Variants in SEM1 observed in about 807,000 individuals in gnomAD.
SEM1 encodes 26S proteasome complex subunit SEM1.
Under a neutral mutation model 12.7 loss-of-function variants are expected in SEM1, and 3 were observed. The observed-to-expected ratio is 0.24, with a 90% confidence interval of 0.11 to 0.61. SEM1 has a LOEUF of 0.61. Ranked by LOEUF, SEM1 falls within the 20% of genes least tolerant of loss-of-function variation. The pLI, the probability that SEM1 is intolerant of heterozygous loss-of-function variation, is 0.88. For missense variants in SEM1, 59 were observed against 81.3 expected (o/e 0.73, Z 1.06); for synonymous variants, 30 against 27.8 (o/e 1.08, Z -0.25).
intron 2 of SEM1, among the ~76,000 whole-genome samples, chr7:96,683,384 A>G (rs1789672476): frequency 1.3e-5 from 2 of 152,002 alleles, no homozygotes; most frequent in African/African-American, 4.8e-5. Context: ...TCAGGAAACA[A>G]CAGATGCCAG....
intron 2 of SEM1, among the ~76,000 whole-genome samples, chr7:96,668,166 T>C (rs1789219010): frequency 1.3e-5 from 2 of 152,240 alleles, no homozygotes; most frequent in Non-Finnish European, 2.9e-5. Context: ...TTAATTTTTG[T>C]GCATACATAG....
intron 2 of SEM1, among the ~76,000 whole-genome samples, chr7:96,573,385 G>A (rs1029362620): frequency 6.6e-6 from 1 of 152,140 alleles, no homozygotes; most frequent in Admixed American, 6.6e-5. Context: ...TAGTGGTGAT[G>A]TTTTTGCAGT....
exon 3 of SEM1, chr7:96,673,537 C>T (rs1789376629): frequency 1.9e-6 from 1 of 540,502 alleles, no homozygotes; most frequent in Non-Finnish European, 3.3e-6. Context: ...TCTTACTACC[C>T]AACAATACTG....
At chr7:96,527,212 A>C (rs1443751728) in intron 2 of SEM1, among the ~76,000 whole-genome samples, 1 of 152,160 alleles carries the variant, frequency 6.6e-6, no homozygotes, top group East Asian at 1.9e-4. Context: ...AAAGGGAAAA[A>C]AATCCCTAGC....
chr7:96,486,899 T>G (rs1056578614), intron 1 of SEM1, among the ~76,000 whole-genome samples: 7 of 152,168 alleles, frequency 4.6e-5, no homozygotes, highest in African/African-American at 7.2e-5. Flanking sequence ...TCTGTGCCCC[T>G]GGGAAAGGGA....
chr7:96,704,072 CTA>C (rs1260320941), intron 1 of SEM1, among the ~76,000 whole-genome samples: 2 of 151,386 alleles, frequency 1.3e-5, no homozygotes, highest in South Asian at 2.1e-4. Context: ...GTTAAATAGA[CTA>C]TTTAAGATGA....
At chr7:96,483,813 G>T in exon 4 of SEM1, 1 of 1,535,402 alleles carries the variant, frequency 6.5e-7, no homozygotes, top group Non-Finnish European at 8.7e-7. Flanking sequence ...TTCAATAGAT[G>T]TGGGCACCAT....
chr7:96,684,400 A>G (rs1346364797), downstream of SEM1, among the ~76,000 whole-genome samples: 1 of 150,408 alleles, frequency 6.6e-6, no homozygotes, highest in Non-Finnish European at 1.5e-5. Context: ...TGAGCTGGGA[A>G]TGGTGTTGGC....
At chr7:96,554,965 A>C (rs1227491628) in intron 2 of SEM1, among the ~76,000 whole-genome samples, 1 of 121,930 alleles carries the variant, frequency 8.2e-6, no homozygotes, top group Non-Finnish European at 1.9e-5. Context: ...TTTCTTCTAG[A>C]TTTTCTGGTT....
intron 1 of SEM1, among the ~76,000 whole-genome samples, chr7:96,700,606 C>T (rs1790240329): frequency 6.6e-6 from 1 of 152,174 alleles, no homozygotes; most frequent in Admixed American, 6.5e-5. Flanking sequence ...CAACTGTATA[C>T]AGTTTTTGAA....
chr7:96,682,665 GA>G (rs1789648977), intron 2 of SEM1, among the ~76,000 whole-genome samples: 1 of 152,086 alleles, frequency 6.6e-6, no homozygotes, highest in South Asian at 2.1e-4. Flanking sequence ...AGCCAGAACT[GA>G]CAAATGGGAT....
intron 2 of SEM1, among the ~76,000 whole-genome samples, chr7:96,551,638 G>A (rs376971466): frequency 1.3e-5 from 2 of 150,888 alleles, no homozygotes; most frequent in South Asian, 2.1e-4. Context: ...CTGGGAGGCG[G>A]AGGTTGCAGT....
At chr7:96,588,499 TA>T (rs5885972) in intron 2 of SEM1, among the ~76,000 whole-genome samples, 82,741 of 151,854 alleles carry the variant, frequency 0.54, 24,605 homozygotes, top group Non-Finnish European at 0.68. Flanking sequence ...TATTTGATAA[TA>T]AAAGCTCATT....
At position 96,582,565 on chromosome 7, in the gene SEM1, A is replaced by G. The variant is rs546218764; in HGVS notation, c.171-75867T>C. ...AGGAATGGTACCAGTTCCTCCTTGT[A>G]CCTCTGGTAGAATTCGGCTGTGAAT... On this transcript the variant is annotated intron_variant and NMD_transcript_variant, in intron 2 of 3. Transcript: ENST00000466986. Among the ~76,000 whole-genome samples, 651 of 152,082 alleles carry G rather than the reference A, an allele frequency of 4.3e-3. 9 individuals carry two copies. The highest frequency in any genetic ancestry group is 0.015 in the African/African-American group (602 of 41,468).
chr7:96,698,983 C>T (rs191007100), intron 1 of SEM1, among the ~76,000 whole-genome samples: 183 of 152,172 alleles, frequency 1.2e-3, no homozygotes, highest in African/African-American at 4.3e-3. Context: ...AGATTTGTGG[C>T]TTTAATTTTA....
downstream of SEM1, chr7:96,688,338 A>G (rs1282916955): frequency 6.6e-6 from 1 of 152,146 alleles, no homozygotes; most frequent in Non-Finnish European, 1.5e-5. Context: ...TTGGACTTTA[A>G]GTACCAATAA....
intron 2 of SEM1, among the ~76,000 whole-genome samples, chr7:96,593,131 G>A (rs1464427886): frequency 6.6e-6 from 1 of 152,020 alleles, no homozygotes; most frequent in East Asian, 1.9e-4. Flanking sequence ...AGAGACCTTG[G>A]AATGTGCATT....
chr7:96,676,409 G>A (rs895926214), intron 2 of SEM1, among the ~76,000 whole-genome samples: 3 of 152,100 alleles, frequency 2.0e-5, no homozygotes, highest in Admixed American at 2.0e-4. Flanking sequence ...CCTATGATAA[G>A]GCTGACCACA....
chr7:96,612,487 A>G (rs1177751673), intron 2 of SEM1, among the ~76,000 whole-genome samples: 1 of 152,222 alleles, frequency 6.6e-6, no homozygotes, highest in Non-Finnish European at 1.5e-5. Flanking sequence ...ACCATCTAGT[A>G]AAAGGTTCCC....
Sources: allele counts gnomAD v4.1 joint callset (sites outside exome capture counted in the v4.1 genomes callset), GRCh38; gene constraint gnomAD v4.1.1; transcripts MANE v1.5; gene names NCBI Gene and HGNC (gene_info 2026-07-23, HGNC 2026-07-21).